SNX29: variants seen among roughly 807,000 people sequenced by gnomAD.
SNX29 encodes sorting nexin-29.
A neutral mutation model predicts 102.1 loss-of-function variants in SNX29; 78 were observed. The observed-to-expected ratio is 0.76, with a 90% CI of 0.64 to 0.92. SNX29 has a LOEUF of 0.92. SNX29 is among the 40% of genes least tolerant of loss of function. The pLI is 0.00. For synonymous variants in SNX29, 580 were observed against 414.5 expected (o/e 1.40, Z -4.85); for missense variants, 1,280 against 1,061.7 (o/e 1.21, Z -2.86).
intron 4 of SNX29, among the ~76,000 whole-genome samples, chr16:12,039,305 T>G (rs1364706900): frequency 6.6e-6 from 1 of 152,134 alleles, no homozygotes; most frequent in East Asian, 1.9e-4. Context: ...TCTGCACTTT[T>G]GTGTTGATTT....
In SNX29 at chr16:12,573,094, A is replaced by G. The variant is rs868277914; in HGVS notation, c.*4465A>G. 1.7e-5 allele frequency: 4 copies of G among 230,242 alleles called. No individual in the cohort carries two copies. Among genetic ancestry groups the G allele is most frequent in the Middle Eastern group, 1.3e-3 (1 of 774 alleles). The allele number at this position is 230,242 out of a possible 1,614,324, so 14.3% of individuals were successfully genotyped here. ...TCTCATTTCTGTGCCAAGAAAGTTC[A>G]TCTTTATGTTTTTCTAATACACAAT... On this transcript the variant is annotated 3_prime_UTR_variant, in exon 21 of 21. Coordinates refer to ENST00000566228, the MANE Select transcript of SNX29 (RefSeq NM_032167.5).
At chr16:12,142,040 G>A (rs1234617744) in intron 13 of SNX29, among the ~76,000 whole-genome samples, 3 of 152,076 alleles carry the variant, frequency 2.0e-5, no homozygotes, top group South Asian at 2.1e-4. Context: ...CTGTCCCCAC[G>A]GCCCCCAGTG....
chr16:12,171,055 C>T (rs2076139217), intron 13 of SNX29, among the ~76,000 whole-genome samples: 1 of 151,984 alleles, frequency 6.6e-6, no homozygotes, highest in African/African-American at 2.4e-5. Flanking sequence ...TTGGAGGGAC[C>T]TTTCACTAGG....
chr16:12,491,548 C>CT (rs1251639039), intron 19 of SNX29, among the ~76,000 whole-genome samples: 2 of 151,370 alleles, frequency 1.3e-5, no homozygotes, highest in African/African-American at 2.4e-5. Context: ...TATTATTATA[C>CT]TTTAAGTTTT....
At chr16:12,301,111 T>G (rs2080159427) in intron 15 of SNX29, among the ~76,000 whole-genome samples, 1 of 152,186 alleles carries the variant, frequency 6.6e-6, no homozygotes, top group African/African-American at 2.4e-5. Context: ...CCTTGATTTC[T>G]CTCTTTCCCT....
At chr16:12,274,940 C>G (rs572823939) in intron 14 of SNX29, among the ~76,000 whole-genome samples, 8 of 152,292 alleles carry the variant, frequency 5.3e-5, no homozygotes, top group African/African-American at 1.7e-4. Flanking sequence ...GTCTCCTCCT[C>G]TCTCTCTGGA....
intron 20 of SNX29, among the ~76,000 whole-genome samples, chr16:12,532,087 G>T (rs1239524979): frequency 6.6e-6 from 1 of 152,214 alleles, no homozygotes; most frequent in East Asian, 1.9e-4. Flanking sequence ...ACAGGAACAT[G>T]TGGGAGAGAC....
chr16:12,027,307 G>C lies in SNX29; in HGVS notation c.123-13G>C. On this transcript the variant is annotated splice_polypyrimidine_tract_variant and intron_variant, in intron 3 of 20. Transcript: ENST00000566228. ...TTTCTGGGGGGACTGATGAGTCATT[G>C]GTTTTCTCACAGGGTCACCTGTCTG... 4 of 1,613,310 alleles carry C rather than the reference G, an allele frequency of 2.5e-6. No individual in the cohort carries two copies. The highest frequency in any genetic ancestry group is 3.4e-6 in the Non-Finnish European group (4 of 1,179,536).
chr16:12,120,644 GC>G (rs1334255321), intron 11 of SNX29, among the ~76,000 whole-genome samples: 1 of 152,182 alleles, frequency 6.6e-6, no homozygotes, highest in Non-Finnish European at 1.5e-5. Context: ...GTGTGAATGG[GC>G]CTGTGCGTCA....
At chr16:12,222,447 C>T (rs1477989392) in intron 14 of SNX29, among the ~76,000 whole-genome samples, 1 of 152,214 alleles carries the variant, frequency 6.6e-6, no homozygotes, top group Non-Finnish European at 1.5e-5. Context: ...CAACCACCAG[C>T]TTGTATGTTT....
chr16:12,155,381 A>G (rs945176140), intron 13 of SNX29, among the ~76,000 whole-genome samples: 1 of 152,194 alleles, frequency 6.6e-6, no homozygotes, highest in African/African-American at 2.4e-5. Flanking sequence ...AGCTCACGTG[A>G]AGAGCCACAG....
intron 13 of SNX29, among the ~76,000 whole-genome samples, chr16:12,139,027 C>G (rs1459132080): frequency 6.6e-6 from 1 of 151,816 alleles, no homozygotes; most frequent in Non-Finnish European, 1.5e-5. Flanking sequence ...CCTGGTGAAA[C>G]CTTGTCTCTA....
chr16:12,191,299 C>T (rs1217956832), intron 13 of SNX29, among the ~76,000 whole-genome samples: 1 of 152,164 alleles, frequency 6.6e-6, no homozygotes, highest in African/African-American at 2.4e-5. Context: ...CTGACAGCCA[C>T]GGTGATGGAT....
intron 15 of SNX29, among the ~76,000 whole-genome samples, chr16:12,303,127 G>A (rs569076104): frequency 1.3e-5 from 2 of 152,338 alleles, no homozygotes; most frequent in South Asian, 2.1e-4. Flanking sequence ...GAAGCTGTCT[G>A]TCTGTTGCAG....
intron 13 of SNX29, among the ~76,000 whole-genome samples, chr16:12,181,966 C>T (rs1372270486): frequency 1.3e-5 from 2 of 151,948 alleles, no homozygotes; most frequent in Non-Finnish European, 1.5e-5. Context: ...TCAATGCAAC[C>T]TGTGCCTCTG....
chr16:12,413,714 C>G (rs1246406699), intron 18 of SNX29, among the ~76,000 whole-genome samples: 2 of 152,204 alleles, frequency 1.3e-5, no homozygotes, highest in Non-Finnish European at 2.9e-5. Flanking sequence ...GTTGAGCATA[C>G]GCAGGCGCTG....
intron 11 of SNX29, among the ~76,000 whole-genome samples, chr16:12,110,014 C>A (rs1421952124): frequency 3.3e-5 from 5 of 152,188 alleles, no homozygotes; most frequent in African/African-American, 1.2e-4. Context: ...TAAGTGTGAG[C>A]CACCGTGCCC....
chr16:12,482,378 C>T (rs997830070), intron 19 of SNX29, among the ~76,000 whole-genome samples: 14 of 151,994 alleles, frequency 9.2e-5, no homozygotes, highest in East Asian at 1.9e-4. Context: ...TGTAGCTCAC[C>T]GCAGCCTCAA....
At chr16:12,356,601 G>C (rs999104066) in intron 16 of SNX29, among the ~76,000 whole-genome samples, 5 of 152,152 alleles carry the variant, frequency 3.3e-5, no homozygotes, top group African/African-American at 1.2e-4. Flanking sequence ...AACAGTCTTG[G>C]TTTTGTGTTG....
Sources: gnomAD v4.1 joint callset for allele counts (sites outside exome capture counted in the v4.1 genomes callset) on GRCh38, gnomAD v4.1.1 for gene constraint, MANE v1.5 for transcripts, NCBI Gene and HGNC (gene_info 2026-07-23, HGNC 2026-07-21) for gene names.